Variants in SLC39A11 observed in about 807,000 individuals in gnomAD.
SLC39A11 encodes the protein solute carrier family 39 member 11, also known as zinc transporter ZIP11.
Under a neutral mutation model 36.1 loss-of-function variants are expected in SLC39A11, and 33 were observed. The ratio of observed to expected loss-of-function variants is 0.91; its 90% CI spans 0.69 to 1.22. The LOEUF (loss-of-function observed/expected upper bound fraction) is 1.22. Ranked by LOEUF, SLC39A11 falls within the 50% of genes most tolerant of loss-of-function variation. The pLI, the probability that SLC39A11 is intolerant of heterozygous loss-of-function variation, is 0.00. For missense variants in SLC39A11, 432 were observed against 430.3 expected (o/e 1.00, Z -0.03); for synonymous variants, 166 against 170.3 (o/e 0.97, Z 0.20).
At chr17:72,739,125 T>A (rs952904701) in intron 6 of SLC39A11, among the ~76,000 whole-genome samples, 1 of 118,934 alleles carries the variant, frequency 8.4e-6, no homozygotes, top group Non-Finnish European at 1.7e-5. Flanking sequence ...GTTGAGAATT[T>A]CGGATTTTTT....
At chr17:72,774,532 C>T (rs150066214) in intron 6 of SLC39A11, among the ~76,000 whole-genome samples, 1 of 152,282 alleles carries the variant, frequency 6.6e-6, no homozygotes, top group African/African-American at 2.4e-5. Flanking sequence ...CCTGGAATAA[C>T]CTGAGCCCAA....
intron 5 of SLC39A11, among the ~76,000 whole-genome samples, chr17:72,867,265 C>T (rs568983388): frequency 6.6e-6 from 1 of 152,136 alleles, no homozygotes; most frequent in South Asian, 2.1e-4. Flanking sequence ...TTTAGGAGGC[C>T]AAGGCAGGCA....
Position 72,773,679 on chromosome 17 carries a change from C to CACACACACACACACACACACA in SLC39A11, c.602-36961_602-36960insTGTGTGTGTGTGTGTGTGTGT, listed in dbSNP as rs57105900. On this transcript the variant is annotated intron_variant, in intron 6 of 9. Transcript: ENST00000255559. The stretch of plus-strand genomic sequence containing the variant: ...CACACACACACACACACACACACAC[C>CACACACACACACACACACACA]CAGTATATAAAGGATATCAGTGTCA... Among the ~76,000 whole-genome samples the CACACACACACACACACACACA allele has an allele frequency of 4.4e-4, 64 of 145,836 alleles. 1 individual carries two copies. Among genetic ancestry groups the CACACACACACACACACACACA allele is most frequent in the African/African-American group, 1.6e-3 (61 of 39,048 alleles).
intron 6 of SLC39A11, among the ~76,000 whole-genome samples, chr17:72,837,105 A>T (rs1490968818): frequency 6.6e-6 from 1 of 152,122 alleles, no homozygotes; most frequent in African/African-American, 2.4e-5. Flanking sequence ...GGGAGACTGC[A>T]CAAGGGCAAG....
At chr17:72,794,111 G>A (rs536243373) in intron 6 of SLC39A11, among the ~76,000 whole-genome samples, 44 of 152,272 alleles carry the variant, frequency 2.9e-4, no homozygotes, top group Admixed American at 1.3e-3. Context: ...CCCATCCTGA[G>A]AAAATGAGAT....
chr17:72,787,171 C>T (rs114579323), intron 6 of SLC39A11, among the ~76,000 whole-genome samples: 1,706 of 149,636 alleles, frequency 0.011, 27 homozygotes, highest in African/African-American at 0.037. Context: ...TCAGCTTATG[C>T]GGATGAATGC....
intron 7 of SLC39A11, among the ~76,000 whole-genome samples, chr17:72,673,195 G>T (rs1304654268): frequency 6.6e-6 from 1 of 151,892 alleles, no homozygotes; most frequent in Non-Finnish European, 1.5e-5. Context: ...GCAACCTCCA[G>T]CTCCTGGGTT....
chr17:72,753,905 A>AC (rs1178093624), intron 6 of SLC39A11, among the ~76,000 whole-genome samples: 1 of 149,602 alleles, frequency 6.7e-6, no homozygotes, highest in African/African-American at 2.5e-5. Flanking sequence ...AAAAAAAAAA[A>AC]AAAAAAACCT....
intron 4 of SLC39A11, among the ~76,000 whole-genome samples, chr17:73,009,113 C>T (rs946983975): frequency 1.4e-5 from 2 of 148,108 alleles, no homozygotes; most frequent in African/African-American, 2.5e-5. Flanking sequence ...CCTGTAATTT[C>T]AGCACTTTGG....
chr17:72,726,093 A>C (rs1164860642), intron 7 of SLC39A11, among the ~76,000 whole-genome samples: 1 of 152,116 alleles, frequency 6.6e-6, no homozygotes, highest in Non-Finnish European at 1.5e-5. Flanking sequence ...GGCAGGGAGG[A>C]GGTTAAGATC....
At chr17:72,806,726 G>A (rs2077269353) in intron 6 of SLC39A11, among the ~76,000 whole-genome samples, 1 of 152,156 alleles carries the variant, frequency 6.6e-6, no homozygotes, top group South Asian at 2.1e-4. Context: ...GGGATTACAG[G>A]CGCCCGTCAC....
At chr17:73,009,254 C>T (rs146521466) in intron 4 of SLC39A11, among the ~76,000 whole-genome samples, 2 of 150,798 alleles carry the variant, frequency 1.3e-5, no homozygotes, top group South Asian at 2.1e-4. Flanking sequence ...CTGTAGTCCC[C>T]GCTACGGGGG....
At chr17:72,813,983 T>C (rs866522895) in intron 6 of SLC39A11, among the ~76,000 whole-genome samples, 27 of 152,192 alleles carry the variant, frequency 1.8e-4, no homozygotes, top group African/African-American at 6.0e-4. Flanking sequence ...CTGAGCAAGA[T>C]ATATAATGGG....
intron 6 of SLC39A11, among the ~76,000 whole-genome samples, chr17:72,757,387 C>T (rs957803421): frequency 6.6e-6 from 1 of 152,110 alleles, no homozygotes; most frequent in African/African-American, 2.4e-5. Flanking sequence ...TGAGTTTCTC[C>T]TTCAGAGCTG....
At chr17:72,993,433 A>G (rs78862854) in intron 4 of SLC39A11, among the ~76,000 whole-genome samples, 6,479 of 152,330 alleles carry the variant, frequency 0.043, 175 homozygotes, top group African/African-American at 0.07. Flanking sequence ...TTAAGTGTCC[A>G]CAGATGATTA....
intron 7 of SLC39A11, among the ~76,000 whole-genome samples, chr17:72,663,398 A>G (rs943255215): frequency 1.3e-5 from 2 of 152,198 alleles, no homozygotes; most frequent in African/African-American, 4.8e-5. Context: ...GTTGTACAGG[A>G]TAACGTTTCA....
chr17:72,822,786 CTCACTGCAGCT>C (rs1435468798), intron 6 of SLC39A11, among the ~76,000 whole-genome samples: 2 of 150,804 alleles, frequency 1.3e-5, no homozygotes, highest in African/African-American at 4.8e-5. Context: ...ACGATCATAG[CTCACTGCAGCT>C]TCAACCTCCT....
rs576192654 is a variant in SLC39A11, at chr17:72,914,302, C to G, written c.430+33450G>C. ...CTATACTCCAGCCTGGACGACAGAG[C>G]GAGACTCCATCTCGGGGGAAAAAAA... is the stretch of plus-strand genomic sequence containing the variant. On this transcript the variant is annotated intron_variant, in intron 5 of 9. Coordinates refer to ENST00000255559, the MANE Select transcript of SLC39A11 (RefSeq NM_139177.4). Among the ~76,000 whole-genome samples, 6 of 147,838 alleles carry G rather than the reference C, an allele frequency of 4.1e-5. No individual in the cohort carries two copies. The South Asian group carries it at 1.1e-3, about 26-fold the overall frequency.
At chr17:72,908,423 G>A (rs1435263004) in intron 5 of SLC39A11, among the ~76,000 whole-genome samples, 2 of 152,170 alleles carry the variant, frequency 1.3e-5, no homozygotes, top group Non-Finnish European at 2.9e-5. Context: ...GGGCCAGGCT[G>A]GCCACTTCGG....
Sources: gnomAD v4.1 joint callset for allele counts (sites outside exome capture counted in the v4.1 genomes callset) on GRCh38, gnomAD v4.1.1 for gene constraint, MANE v1.5 for transcripts, NCBI Gene and HGNC (gene_info 2026-07-23, HGNC 2026-07-21) for gene names.